The following ABLIM1 variants were observed in gnomAD, a reference collection of about 807,000 sequenced individuals.
The protein encoded by ABLIM1 is actin-binding LIM protein 1.
In ABLIM1, 40 loss-of-function variants were observed where a neutral mutation model predicts 107.0. That is an observed-to-expected ratio of 0.37 (90% CI 0.29 to 0.49). The LOEUF (loss-of-function observed/expected upper bound fraction) is 0.49, where lower values mean the gene tolerates loss of function less well. Ranked by LOEUF, ABLIM1 falls within the 20% of genes least tolerant of loss-of-function variation. ABLIM1 has a pLI of 0.97. For synonymous variants in ABLIM1, 357 were observed against 357.3 expected, an observed-to-expected ratio of 1.00 and a Z score of 0.01; for missense variants, 857 against 1,008.5, an observed-to-expected ratio of 0.85 and a Z score of 2.04.
intron 1 of ABLIM1, among the ~76,000 whole-genome samples, chr10:114,700,770 C>T (rs1178187460): frequency 6.6e-6 from 1 of 151,930 alleles, no homozygotes; most frequent in African/African-American, 2.4e-5. Flanking sequence ...CCCTACCTCA[C>T]ACCATATACA....
chr10:114,728,343 G>A (rs964600629), intron 1 of ABLIM1, among the ~76,000 whole-genome samples: 31 of 151,988 alleles, frequency 2.0e-4, no homozygotes, highest in African/African-American at 6.5e-4. Flanking sequence ...GCACAAATCC[G>A]AAACCCCAAT....
At chr10:114,527,094 T>A (rs1410704493) in intron 6 of ABLIM1, among the ~76,000 whole-genome samples, 1 of 152,210 alleles carries the variant, frequency 6.6e-6, no homozygotes, top group Non-Finnish European at 1.5e-5. Flanking sequence ...ACAGTGATTG[T>A]CCCTGAGGCA....
At chr10:114,562,509 A>G (rs1307480879) in intron 4 of ABLIM1, among the ~76,000 whole-genome samples, 6 of 152,218 alleles carry the variant, frequency 3.9e-5, no homozygotes, top group African/African-American at 1.4e-4. Context: ...ACCTTGGGCA[A>G]CACAGTGAGA....
At chr10:114,772,580 C>T (rs959138451), upstream of ABLIM1, among the ~76,000 whole-genome samples, 1 of 152,042 alleles carries the variant, frequency 6.6e-6, no homozygotes, top group Non-Finnish European at 1.5e-5. Flanking sequence ...GCACTCCAGC[C>T]TGGGTGACAG....
At chr10:114,683,262 T>C (rs922608595) in intron 1 of ABLIM1, among the ~76,000 whole-genome samples, 1 of 152,236 alleles carries the variant, frequency 6.6e-6, no homozygotes, top group Non-Finnish European at 1.5e-5. Context: ...CCTATTCTAA[T>C]GTTTGTCAAC....
At chr10:114,626,363 G>A (rs1312479491) in intron 1 of ABLIM1, among the ~76,000 whole-genome samples, 1 of 152,114 alleles carries the variant, frequency 6.6e-6, no homozygotes, top group Non-Finnish European at 1.5e-5. Context: ...TATTCCAAAG[G>A]GAAAGCAAGG....
At chr10:114,773,411 A>G in the ABLIM1 span, among the ~76,000 whole-genome samples, 13 of 152,354 alleles carry the variant, frequency 8.5e-5, no homozygotes, top group Non-Finnish European at 1.6e-4. Context: ...TGATTAGCCT[A>G]TAATTGTTCA....
At chr10:114,573,882 G>GT (rs1425622274) in intron 3 of ABLIM1, among the ~76,000 whole-genome samples, 1 of 152,152 alleles carries the variant, frequency 6.6e-6, no homozygotes, top group Non-Finnish European at 1.5e-5. Flanking sequence ...ACCAGGCTGT[G>GT]TGCCACAGCC....
At chr10:114,665,569 G>A (rs1306915140) in intron 1 of ABLIM1, among the ~76,000 whole-genome samples, 1 of 152,196 alleles carries the variant, frequency 6.6e-6, no homozygotes, top group African/African-American at 2.4e-5. Context: ...AGATAACATG[G>A]CATGACCTTT....
intron 1 of ABLIM1, among the ~76,000 whole-genome samples, chr10:114,691,376 T>C (rs1310727824): frequency 6.6e-6 from 1 of 152,212 alleles, no homozygotes; most frequent in Non-Finnish European, 1.5e-5. Context: ...GTGGTATCCA[T>C]AAAACAGTTT....
chr10:114,646,442 G>A (rs540515171), intron 1 of ABLIM1, among the ~76,000 whole-genome samples: 8 of 152,238 alleles, frequency 5.3e-5, no homozygotes, highest in Non-Finnish European at 1.0e-4. Flanking sequence ...TGCAATATGC[G>A]AAGTATCACC....
rs1007314662 is a variant in ABLIM1, at chr10:114,626,636, T to C, written c.245-24675A>G. Among the ~76,000 whole-genome samples, 7 of 152,274 alleles carry C rather than the reference T, an allele frequency of 4.6e-5. No individual in the cohort carries two copies. In the East Asian group the frequency reaches 1.3e-3, roughly 29 times the overall value. On this transcript the variant is annotated intron_variant, in intron 1 of 22. Coordinates refer to ENST00000533213, the MANE Select transcript of ABLIM1 (RefSeq NM_002313.7). ...CACTCTGCTCCTCTTCAGTTCTCCT[T>C]CCCAAGCCTAGCCACATCTAACACT...
chr10:114,667,673 C>T (rs2080082967), intron 1 of ABLIM1, among the ~76,000 whole-genome samples: 2 of 152,226 alleles, frequency 1.3e-5, no homozygotes, highest in Non-Finnish European at 2.9e-5. Flanking sequence ...TGTGCTCCTT[C>T]CCAGTCAATC....
chr10:114,685,448 A>T (rs960872032), upstream of ABLIM1, among the ~76,000 whole-genome samples: 1 of 152,232 alleles, frequency 6.6e-6, no homozygotes, highest in Non-Finnish European at 1.5e-5. Context: ...GGCCAAATGC[A>T]AAGTTTGATT....
the ABLIM1 span, among the ~76,000 whole-genome samples, chr10:114,783,317 TAAAAG>T: frequency 6.6e-6 from 1 of 151,252 alleles, no homozygotes; most frequent in Non-Finnish European, 1.5e-5. Flanking sequence ...CTAAAAAAAA[TAAAAG>T]AGAGAGAAAA....
At chr10:114,720,563 C>G (rs2081818958) in intron 1 of ABLIM1, among the ~76,000 whole-genome samples, 1 of 152,038 alleles carries the variant, frequency 6.6e-6, no homozygotes, top group South Asian at 2.1e-4. Flanking sequence ...CACAGGACCC[C>G]TAGGAGATCC....
intron 8 of ABLIM1, chr10:114,485,206 A>C (rs1469529258): frequency 3.1e-6 from 3 of 968,532 alleles, no homozygotes; most frequent in Non-Finnish European, 4.4e-6. Context: ...GAGCCGAAGA[A>C]GTTATGTGAG....
chr10:114,760,716 T>C (rs1566313015), intron 1 of ABLIM1, among the ~76,000 whole-genome samples: 1 of 152,138 alleles, frequency 6.6e-6, no homozygotes, highest in Non-Finnish European at 1.5e-5. Context: ...CAAAACATAA[T>C]GCAGTTCACA....
At chr10:114,612,028 G>C (rs902414691) in intron 1 of ABLIM1, among the ~76,000 whole-genome samples, 1 of 152,160 alleles carries the variant, frequency 6.6e-6, no homozygotes, top group Non-Finnish European at 1.5e-5. Flanking sequence ...CTGTAAAAGG[G>C]GCCAAGAATA....
Sources: allele counts gnomAD v4.1 joint callset (sites outside exome capture counted in the v4.1 genomes callset), GRCh38; gene constraint gnomAD v4.1.1; transcripts MANE v1.5; gene names NCBI Gene and HGNC (gene_info 2026-07-23, HGNC 2026-07-21).